The following FOXP2 variants were observed in gnomAD, a reference collection of about 807,000 sequenced individuals.
The protein encoded by FOXP2 is forkhead box P2.
A neutral mutation model predicts 115.8 loss-of-function variants in FOXP2; 12 were observed. The ratio of observed to expected loss-of-function variants is 0.10; its 90% CI spans 0.07 to 0.17. The LOEUF (loss-of-function observed/expected upper bound fraction) is 0.17, where lower values mean the gene tolerates loss of function less well. FOXP2 is among the 10% of genes least tolerant of loss of function. FOXP2 has a pLI of 1.00. For synonymous variants in FOXP2, 328 were observed against 297.7 expected (o/e 1.10, Z -1.05); for missense variants, 629 against 843.5 (o/e 0.75, Z 3.15).
chr7:114,545,795 T>C (rs1296303996), intron 3 of FOXP2, among the ~76,000 whole-genome samples: 1 of 152,180 alleles, frequency 6.6e-6, no homozygotes, highest in Non-Finnish European at 1.5e-5. Flanking sequence ...CACCTTTTCA[T>C]CTAGAAATCT....
chr7:114,447,279 T>C (rs940162238), intron 2 of FOXP2, among the ~76,000 whole-genome samples: 19 of 152,150 alleles, frequency 1.2e-4, no homozygotes, highest in Non-Finnish European at 2.5e-4. Context: ...CTGTCTGGTT[T>C]CCCCTCTATA....
At chr7:114,494,604 G>A (rs762128402) in intron 2 of FOXP2, among the ~76,000 whole-genome samples, 1 of 152,088 alleles carries the variant, frequency 6.6e-6, no homozygotes, top group Non-Finnish European at 1.5e-5. Context: ...TAGAAAGAAG[G>A]TGATAATAAA....
intron 7 of FOXP2, among the ~76,000 whole-genome samples, chr7:114,643,562 A>T (rs1273311260): frequency 1.3e-5 from 2 of 152,120 alleles, no homozygotes; most frequent in Admixed American, 6.5e-5. Context: ...ATGTTAGATA[A>T]TTTTTTTGAT....
chr7:114,464,312 A>G (rs1344443478), intron 2 of FOXP2, among the ~76,000 whole-genome samples: 1 of 151,088 alleles, frequency 6.6e-6, no homozygotes, highest in Non-Finnish European at 1.5e-5. Context: ...TGACCAGAAC[A>G]GATAACTAAA....
At chr7:114,642,965 C>T (rs910559417) in intron 7 of FOXP2, among the ~76,000 whole-genome samples, 6 of 150,690 alleles carry the variant, frequency 4.0e-5, no homozygotes, top group South Asian at 2.1e-4. Flanking sequence ...CCCGCCCCCA[C>T]GCCTGGCTAA....
intron 2 of FOXP2, among the ~76,000 whole-genome samples, chr7:114,291,656 G>A (rs1178843466): frequency 6.6e-6 from 1 of 151,042 alleles, no homozygotes; most frequent in Non-Finnish European, 1.5e-5. Flanking sequence ...CCAAACTCAC[G>A]GGTTTTTGGC....
Position 114,327,888 on chromosome 7 carries a change from TTTA to T in FOXP2, c.-11+39782_-11+39784del, listed in dbSNP as rs200865327. Among the ~76,000 whole-genome samples the T allele has an allele frequency of 5.3e-3, 800 of 151,576 alleles. 5 individuals carry two copies. The highest frequency in any genetic ancestry group is 0.019 in the African/African-American group (772 of 41,396). ...TTTTTCACTATGTAAGTTTTATTTA[TTTA>T]TTTTTATTTACTTATTTTTTCTTTT... On this transcript the variant is annotated intron_variant, in intron 2 of 17. Coordinates refer to the FOXP2 transcript ENST00000634411.
In FOXP2 at chr7:114,558,693, T is replaced by C. The variant is rs571819015; in HGVS notation, c.258+23987T>C. ...CCATTTGTATACTAATGTCCATTTA[T>C]TCTTACCTAGAGTCCTTTATTATCT... On this transcript the variant is annotated intron_variant, in intron 3 of 16. Coordinates refer to ENST00000350908, the MANE Select transcript of FOXP2 (RefSeq NM_014491.4). Among the ~76,000 whole-genome samples the C allele has an allele frequency of 2.6e-4, 40 of 152,344 alleles. 1 individual carries two copies. In the East Asian group the frequency reaches 5.8e-3, roughly 22 times the overall value.
chr7:114,644,354 A>C (rs893703290), intron 7 of FOXP2, among the ~76,000 whole-genome samples: 1 of 152,170 alleles, frequency 6.6e-6, no homozygotes, highest in Non-Finnish European at 1.5e-5. Flanking sequence ...GGTTTTTTTC[A>C]CTTGACCACA....
chr7:114,228,343 G>C (rs1300037157), intron 1 of FOXP2, among the ~76,000 whole-genome samples: 1 of 151,986 alleles, frequency 6.6e-6, no homozygotes, highest in Admixed American at 6.6e-5. Flanking sequence ...TGAGACTGGT[G>C]CCCTCAATTG....
At chr7:114,654,160 ATG>A in intron 10 of FOXP2, 151 bp downstream of exon 10, 2 of 1,516,200 alleles carry the variant, frequency 1.3e-6, no homozygotes, top group Admixed American at 3.9e-5. Flanking sequence ...GTCAAATTGT[ATG>A]TTTCTTTTAA....
At chr7:114,365,075 ATAGC>A (rs931237675) in intron 2 of FOXP2, among the ~76,000 whole-genome samples, 8 of 152,178 alleles carry the variant, frequency 5.3e-5, no homozygotes, top group African/African-American at 1.9e-4. Context: ...TAATATGAAC[ATAGC>A]TAGGATTCAC....
At chr7:114,438,930 A>C (rs1794471227) in intron 2 of FOXP2, among the ~76,000 whole-genome samples, 1 of 152,176 alleles carries the variant, frequency 6.6e-6, no homozygotes, top group Non-Finnish European at 1.5e-5. Flanking sequence ...ACACAGAAGT[A>C]GATGTTAATG....
chr7:114,266,913 G>A (rs1334324790), intron 1 of FOXP2, among the ~76,000 whole-genome samples: 2 of 152,094 alleles, frequency 1.3e-5, no homozygotes, highest in African/African-American at 2.4e-5. Context: ...AAAGACCCTC[G>A]AGGAGCTTAA....
intron 2 of FOXP2, among the ~76,000 whole-genome samples, chr7:114,525,256 A>G (rs1710326664): frequency 6.6e-6 from 1 of 152,228 alleles, no homozygotes; most frequent in South Asian, 2.1e-4. Context: ...AGGAACCCGA[A>G]TTCCAAAAGT....
At chr7:114,517,994 A>G (rs1235915010) in intron 2 of FOXP2, among the ~76,000 whole-genome samples, 3 of 152,076 alleles carry the variant, frequency 2.0e-5, no homozygotes, top group South Asian at 2.1e-4. Context: ...GTCTTCTTCA[A>G]TTTCTTTCAT....
intron 2 of FOXP2, among the ~76,000 whole-genome samples, chr7:114,396,974 C>T (rs1792760993): frequency 6.6e-6 from 1 of 151,986 alleles, no homozygotes; most frequent in Non-Finnish European, 1.5e-5. Flanking sequence ...CTATGTAAAA[C>T]AATTTTCTTA....
intron 1 of FOXP2, among the ~76,000 whole-genome samples, chr7:114,137,720 A>G (rs982343995): frequency 1.5e-4 from 23 of 152,228 alleles, no homozygotes; most frequent in African/African-American, 4.8e-4. Context: ...GTTTACTGAT[A>G]AGTAAGAGGA....
intron 1 of FOXP2, among the ~76,000 whole-genome samples, chr7:114,121,615 C>G (rs537339969): frequency 1.3e-5 from 2 of 151,904 alleles, no homozygotes; most frequent in African/African-American, 2.4e-5. Flanking sequence ...CATGTCTGTA[C>G]GACTGCATTC....
Sources: gnomAD v4.1 joint callset for allele counts (sites outside exome capture counted in the v4.1 genomes callset) on GRCh38, gnomAD v4.1.1 for gene constraint, MANE v1.5 for transcripts, NCBI Gene and HGNC (gene_info 2026-07-23, HGNC 2026-07-21) for gene names.